CASD1: variants seen among roughly 807,000 people sequenced by gnomAD.
The protein encoded by CASD1 is N-acetylneuraminate (7)9-O-acetyltransferase.
CASD1 carries 41 observed loss-of-function variants against 100.0 expected under a neutral mutation model. The observed-to-expected ratio is 0.41, with a 90% CI of 0.32 to 0.53. CASD1 has a LOEUF of 0.53. Ranked by LOEUF, CASD1 falls within the 20% of genes least tolerant of loss-of-function variation. The pLI, the probability that CASD1 is intolerant of heterozygous loss-of-function variation, is 0.25. For synonymous variants in CASD1, 321 were observed against 315.6 expected, an observed-to-expected ratio of 1.02 and a Z score of -0.18; for missense variants, 774 against 948.7, an observed-to-expected ratio of 0.82 and a Z score of 2.42.
chr7:94,553,453 A>G (rs1410639481), intron 16 of CASD1, among the ~76,000 whole-genome samples: 4 of 152,038 alleles, frequency 2.6e-5, no homozygotes, highest in Non-Finnish European at 5.9e-5. Context: ...CCTTTTTCCC[A>G]TATTATCTCC....
At chr7:94,569,671 G>A in the CASD1 span, among the ~76,000 whole-genome samples, 5 of 151,588 alleles carry the variant, frequency 3.3e-5, no homozygotes, top group African/African-American at 9.7e-5. Context: ...CTAAAAATCC[G>A]GGCCTCAAGT....
chr7:94,571,269 C>T, the CASD1 span, among the ~76,000 whole-genome samples: 2 of 152,154 alleles, frequency 1.3e-5, no homozygotes, highest in East Asian at 3.9e-4. Context: ...TCTTGAACTC[C>T]TGGGCTCAAG....
chr7:94,557,592 C>T (rs1301257047), downstream of CASD1, among the ~76,000 whole-genome samples: 1 of 152,026 alleles, frequency 6.6e-6, no homozygotes, highest in African/African-American at 2.4e-5. Context: ...GATGACCAGT[C>T]TCCCTGTGTA....
the CASD1 span, among the ~76,000 whole-genome samples, chr7:94,616,281 T>C: frequency 6.6e-6 from 1 of 152,264 alleles, no homozygotes; most frequent in South Asian, 2.1e-4. Flanking sequence ...ATATGAAATA[T>C]GAAAAATTTT....
At chr7:94,617,503 G>A in the CASD1 span, 1 of 152,156 alleles carries the variant, frequency 6.6e-6, no homozygotes, top group Non-Finnish European at 1.5e-5. Context: ...CTTCAGGGAA[G>A]ATACCCCCAT....
chr7:94,519,140 A>G (rs1794122865), intron 3 of CASD1, among the ~76,000 whole-genome samples: 1 of 152,136 alleles, frequency 6.6e-6, no homozygotes, highest in Non-Finnish European at 1.5e-5. Context: ...TTTTGTTAGG[A>G]AATTTCTCGT....
intron 1 of CASD1, among the ~76,000 whole-genome samples, chr7:94,513,647 A>G (rs937448073): frequency 2.0e-5 from 3 of 152,214 alleles, no homozygotes; most frequent in African/African-American, 7.2e-5. Flanking sequence ...ATTGTGTTGT[A>G]TTGTAATAAT....
intron 10 of CASD1, 65 bp downstream of exon 10, chr7:94,539,121 G>A: frequency 1.1e-6 from 1 of 899,374 alleles, no homozygotes; most frequent in Non-Finnish European, 1.8e-6. Flanking sequence ...TTTCTTTAAG[G>A]GCACCAGCTT....
chr7:94,564,719 A>G, the CASD1 span, among the ~76,000 whole-genome samples: 4 of 152,294 alleles, frequency 2.6e-5, no homozygotes, highest in East Asian at 7.7e-4. Context: ...TCTGAAGGCC[A>G]TGAAAATACT....
downstream of CASD1, among the ~76,000 whole-genome samples, chr7:94,559,951 A>G (rs888127810): frequency 2.0e-5 from 3 of 152,208 alleles, no homozygotes; most frequent in African/African-American, 7.2e-5. Context: ...TGTTATATTA[A>G]AAGCTTATAC....
At chr7:94,541,928 A>G (rs1233716229) in intron 10 of CASD1, among the ~76,000 whole-genome samples, 2 of 152,158 alleles carry the variant, frequency 1.3e-5, no homozygotes, top group African/African-American at 2.4e-5. Flanking sequence ...AGCATACAGC[A>G]TATAGGTGTC....
the CASD1 span, among the ~76,000 whole-genome samples, chr7:94,562,898 T>A: frequency 6.6e-6 from 1 of 150,842 alleles, no homozygotes; most frequent in African/African-American, 2.4e-5. Flanking sequence ...GCTGACCCCC[T>A]TTTTTTTTAT....
intron 3 of CASD1, among the ~76,000 whole-genome samples, chr7:94,524,721 A>G (rs867923603): frequency 2.6e-5 from 4 of 152,292 alleles, no homozygotes; most frequent in African/African-American, 9.6e-5. Flanking sequence ...AACGTATTTT[A>G]TCAGTTGACC....
At chr7:94,601,821 A>G in the CASD1 span, among the ~76,000 whole-genome samples, 1 of 152,136 alleles carries the variant, frequency 6.6e-6, no homozygotes, top group Non-Finnish European at 1.5e-5. Flanking sequence ...GTTGTCCAAC[A>G]CAGCCTTGTG....
intron 1 of CASD1, among the ~76,000 whole-genome samples, chr7:94,510,941 G>A (rs1793677272): frequency 6.6e-6 from 1 of 152,256 alleles, no homozygotes; most frequent in African/African-American, 2.4e-5. Context: ...GTAAAGGTGG[G>A]CAGTTGAAAG....
chr7:94,573,473 A>G, the CASD1 span, among the ~76,000 whole-genome samples: 9 of 152,010 alleles, frequency 5.9e-5, no homozygotes, highest in African/African-American at 2.2e-4. Flanking sequence ...TAGGTATTTT[A>G]TCCTTTTTTC....
the CASD1 span, chr7:94,587,116 AG>A: frequency 1.0e-6 from 1 of 983,888 alleles, no homozygotes; most frequent in Non-Finnish European, 1.2e-6. Context: ...TTTATAAATT[AG>A]GTTAAACAAC....
At chr7:94,510,334 C>G in intron 1 of CASD1, 117 bp downstream of exon 1, 1 of 766,786 alleles carries the variant, frequency 1.3e-6, no homozygotes, top group Non-Finnish European at 1.8e-6. Flanking sequence ...GCCCGGCCCG[C>G]GGGGGAGGCG....
chr7:94,533,884 G>GT, intron 7 of CASD1, 82 bp downstream of exon 7: 5 of 1,222,706 alleles, frequency 4.1e-6, no homozygotes, highest in Non-Finnish European at 5.5e-6. Flanking sequence ...TCAAGAAGCA[G>GT]AATTACTGCT....
Sources: gnomAD v4.1 joint callset for allele counts (sites outside exome capture counted in the v4.1 genomes callset) on GRCh38, gnomAD v4.1.1 for gene constraint, MANE v1.5 for transcripts, NCBI Gene and HGNC (gene_info 2026-07-23, HGNC 2026-07-21) for gene names.